HMGCLL1: variants seen among roughly 807,000 people sequenced by gnomAD.
The protein encoded by HMGCLL1 is 3-hydroxymethyl-3-methylglutaryl-CoA lyase, cytoplasmic.
In HMGCLL1, 36 loss-of-function variants were observed where a neutral mutation model predicts 39.1. The ratio of observed to expected loss-of-function variants is 0.92; its 90% CI spans 0.71 to 1.22. HMGCLL1 has a LOEUF of 1.22. Ranked by LOEUF, HMGCLL1 falls within the 50% of genes most tolerant of loss-of-function variation. The pLI, the probability that HMGCLL1 is intolerant of heterozygous loss-of-function variation, is 0.00. For synonymous variants in HMGCLL1, 149 were observed against 144.0 expected, an observed-to-expected ratio of 1.03 and a Z score of -0.25; for missense variants, 451 against 416.5, an observed-to-expected ratio of 1.08 and a Z score of -0.72.
intron 5 of HMGCLL1, among the ~76,000 whole-genome samples, chr6:55,499,977 T>C (rs1766789284): frequency 6.6e-6 from 1 of 152,090 alleles, no homozygotes; most frequent in Admixed American, 6.6e-5. Context: ...CTTAAATAAT[T>C]AAGCTTTAGG....
chr6:55,645,245 C>T, the HMGCLL1 span, among the ~76,000 whole-genome samples: 12 of 151,662 alleles, frequency 7.9e-5, no homozygotes, highest in African/African-American at 1.9e-4. Flanking sequence ...TTTATGTTGA[C>T]TTGTTATCCT....
At chr6:55,440,272 T>C (rs547766372) in intron 7 of HMGCLL1, among the ~76,000 whole-genome samples, 21 of 152,246 alleles carry the variant, frequency 1.4e-4, no homozygotes, top group African/African-American at 5.1e-4. Context: ...GATACTCTTG[T>C]ATCATCCCCA....
intron 1 of HMGCLL1, among the ~76,000 whole-genome samples, chr6:55,563,509 T>C (rs974060853): frequency 5.3e-5 from 8 of 152,126 alleles, no homozygotes; most frequent in Non-Finnish European, 1.5e-5. Flanking sequence ...TGGGAATTAG[T>C]GAAATATCAT....
At chr6:55,442,541 GA>G (rs573257626) in intron 7 of HMGCLL1, among the ~76,000 whole-genome samples, 1 of 152,058 alleles carries the variant, frequency 6.6e-6, no homozygotes, top group Non-Finnish European at 1.5e-5. Flanking sequence ...GACTGAAAAG[GA>G]TACTTACAAA....
chr6:55,451,101 T>C (rs1764060219), intron 7 of HMGCLL1, among the ~76,000 whole-genome samples: 1 of 152,074 alleles, frequency 6.6e-6, no homozygotes, highest in Non-Finnish European at 1.5e-5. Context: ...ATGGAGCTAA[T>C]GGTTATGGGG....
chr6:55,533,779 G>A (rs1375706555), intron 3 of HMGCLL1, among the ~76,000 whole-genome samples: 2 of 147,886 alleles, frequency 1.4e-5, no homozygotes, highest in Non-Finnish European at 3.0e-5. Flanking sequence ...CCAGCTACTC[G>A]GGAGGCTGAG....
intron 1 of HMGCLL1, 105 bp downstream of exon 1, chr6:55,578,843 G>A: frequency 1.3e-6 from 1 of 789,770 alleles, no homozygotes; most frequent in Admixed American, 2.0e-5. Flanking sequence ...GTCCTGGGGT[G>A]AGGAGGTGAC....
chr6:55,477,016 T>C (rs1765325517), intron 7 of HMGCLL1, among the ~76,000 whole-genome samples: 1 of 132,008 alleles, frequency 7.6e-6, no homozygotes, highest in African/African-American at 2.8e-5. Context: ...CAAAAATCCT[T>C]TGGGTATATA....
the HMGCLL1 span, among the ~76,000 whole-genome samples, chr6:55,669,047 C>T: frequency 6.6e-6 from 1 of 150,854 alleles, no homozygotes; most frequent in African/African-American, 2.4e-5. Flanking sequence ...CAATTTCTGG[C>T]CAAAGTACCA....
the HMGCLL1 span, among the ~76,000 whole-genome samples, chr6:55,644,301 C>G: frequency 6.6e-6 from 1 of 152,000 alleles, no homozygotes; most frequent in African/African-American, 2.4e-5. Context: ...TTATTAATCC[C>G]TTGTCAGATA....
chr6:55,646,929 A>G, the HMGCLL1 span, among the ~76,000 whole-genome samples: 1 of 151,578 alleles, frequency 6.6e-6, no homozygotes, highest in Admixed American at 6.6e-5. Flanking sequence ...ATTAAGTATG[A>G]TATTTCCTTG....
intron 3 of HMGCLL1, among the ~76,000 whole-genome samples, chr6:55,518,436 C>G (rs1323069014): frequency 1.3e-5 from 2 of 152,108 alleles, no homozygotes; most frequent in Admixed American, 6.6e-5. Context: ...CCTGTATGTT[C>G]TTCCAGGATC....
the HMGCLL1 span, among the ~76,000 whole-genome samples, chr6:55,660,941 C>T: frequency 5.7e-4 from 87 of 151,590 alleles, no homozygotes; most frequent in South Asian, 3.3e-3. Flanking sequence ...TATCTCATTG[C>T]GGTTTTGATT....
intron 5 of HMGCLL1, among the ~76,000 whole-genome samples, chr6:55,508,414 TG>T (rs1202699104): frequency 6.6e-6 from 1 of 151,842 alleles, no homozygotes; most frequent in Admixed American, 6.6e-5. Context: ...TGAATTATAT[TG>T]AAAAAGTTAA....
chr6:55,538,446 A>G (rs73744620), intron 3 of HMGCLL1, among the ~76,000 whole-genome samples: 102 of 152,306 alleles, frequency 6.7e-4, no homozygotes, highest in African/African-American at 2.3e-3. Context: ...AGATATAAAG[A>G]CAATAAAAAT....
intron 7 of HMGCLL1, among the ~76,000 whole-genome samples, chr6:55,476,077 C>G (rs1765271260): frequency 6.6e-6 from 1 of 151,604 alleles, no homozygotes; most frequent in African/African-American, 2.4e-5. Context: ...CATTTGCATT[C>G]TCACATCAAT....
At chr6:55,638,973 C>T in the HMGCLL1 span, among the ~76,000 whole-genome samples, 1 of 152,044 alleles carries the variant, frequency 6.6e-6, no homozygotes, top group African/African-American at 2.4e-5. Context: ...CAGGCAAACA[C>T]AGGAAAATGA....
the HMGCLL1 span, among the ~76,000 whole-genome samples, chr6:55,597,307 T>C: frequency 1.3e-5 from 2 of 152,110 alleles, no homozygotes; most frequent in Admixed American, 1.3e-4. Context: ...AATGCCTCTA[T>C]GAGAATTCTC....
the HMGCLL1 span, among the ~76,000 whole-genome samples, chr6:55,615,290 T>G: frequency 4.0e-5 from 6 of 151,326 alleles, no homozygotes; most frequent in African/African-American, 1.5e-4. Flanking sequence ...AGAAAGGAAA[T>G]GATAGCAACA....
Sources: allele counts gnomAD v4.1 joint callset (sites outside exome capture counted in the v4.1 genomes callset), GRCh38; gene constraint gnomAD v4.1.1; transcripts MANE v1.5; gene names NCBI Gene and HGNC (gene_info 2026-07-23, HGNC 2026-07-21).